The following ZC3H18 variants were observed in gnomAD, a reference collection of about 807,000 sequenced individuals.
ZC3H18 encodes zinc finger CCCH domain-containing protein 18.
Under a neutral mutation model 106.1 loss-of-function variants are expected in ZC3H18, and 8 were observed. That is an observed-to-expected ratio of 0.08 (90% confidence interval 0.04 to 0.14). The LOEUF (loss-of-function observed/expected upper bound fraction) is 0.14, where lower values mean the gene tolerates loss of function less well. Ranked by LOEUF, ZC3H18 falls within the 10% of genes least tolerant of loss-of-function variation. The probability of loss-of-function intolerance (pLI) is 1.00; values close to 1 mark genes in which losing one functional copy is unlikely to be tolerated. For synonymous variants in ZC3H18, 635 were observed against 522.1 expected, an observed-to-expected ratio of 1.22 and a Z score of -2.95; for missense variants, 1,318 against 1,278.4, an observed-to-expected ratio of 1.03 and a Z score of -0.47.
In ZC3H18 at chr16:88,577,106, G is replaced by A; in HGVS notation, c.-14-4G>A. Reference sequence around the variant, plus strand: ...GCTGTCAATCTGTATTCTCTCTTTTGCAGAACCGTGGGTACCGATGGATGT... The same window carrying A: ...GCTGTCAATCTGTATTCTCTCTTTTACAGAACCGTGGGTACCGATGGATGT... On this transcript the variant is annotated splice_polypyrimidine_tract_variant and splice_region_variant and intron_variant, in intron 1 of 17. Coordinates refer to ENST00000301011, the MANE Select transcript of ZC3H18 (RefSeq NM_144604.4). 6.6e-7 allele frequency: 1 copy of A among 1,515,004 alleles called. No homozygotes were observed. The highest frequency in any genetic ancestry group is 8.8e-7 in the Non-Finnish European group (1 of 1,131,490). 93.8% of individuals were successfully genotyped at this position (1,515,004 alleles called of 1,614,324 possible).
At chr16:88,619,709 C>T (rs1417188933) in intron 8 of ZC3H18, among the ~76,000 whole-genome samples, 1 of 152,176 alleles carries the variant, frequency 6.6e-6, no homozygotes, top group Non-Finnish European at 1.5e-5. Flanking sequence ...GTTTTTCCTT[C>T]CCCCTCACCG....
chr16:88,616,935 T>C (rs1219561605), intron 8 of ZC3H18, among the ~76,000 whole-genome samples: 1 of 152,144 alleles, frequency 6.6e-6, no homozygotes, highest in Non-Finnish European at 1.5e-5. Flanking sequence ...AGGCTCGTTA[T>C]AGCAGGCACT....
chr16:88,624,709 G>T lies in ZC3H18; in HGVS notation c.2006G>T (p.Arg669Met). Residue 669 changes from arginine to methionine, a missense_variant, in exon 12 of 18, where the codon AGG becomes ATG. Arg to Met is a moderately conservative substitution (Grantham distance 91). Coordinates refer to ENST00000301011, the MANE Select transcript of ZC3H18 (RefSeq NM_144604.4). ...AAGCCAGGAGACCCTCGGGAAGCCA[G>T]GAGGAAGGAGCGGCCAGCCAGGACC... is the stretch of plus-strand genomic sequence containing the variant. The part of the protein sequence containing the change: ...PTKPGDPREA[R>M]RKERPARTPP... 6.2e-7 allele frequency: 1 copy of T among 1,613,532 alleles called. No individual in the cohort carries two copies.
At chr16:88,615,084 C>T (rs1221267091) in intron 8 of ZC3H18, among the ~76,000 whole-genome samples, 2 of 150,662 alleles carry the variant, frequency 1.3e-5, no homozygotes, top group Non-Finnish European at 3.0e-5. Flanking sequence ...CCACCTGCTC[C>T]GTTCCCTCTG....
intron 16 of ZC3H18, among the ~76,000 whole-genome samples, chr16:88,629,858 A>G (rs893093493): frequency 2.0e-5 from 3 of 152,230 alleles, no homozygotes; most frequent in Non-Finnish European, 4.4e-5. Context: ...GAGAACAGGC[A>G]GGGGGCTTCC....
chr16:88,631,587 TC>T lies in ZC3H18; in HGVS notation c.*290del. ...CCCAGCCGCCAGCCCCGCCTTCTCT[TC>T]CTCCTCCTCCGTCTTCTTCCCTGGC... is the stretch of plus-strand genomic sequence containing the variant. On this transcript the variant is annotated 3_prime_UTR_variant, in exon 18 of 18. Transcript: ENST00000301011. 1 of 511,000 alleles carries T rather than the reference TC, an allele frequency of 2.0e-6. No individual in the cohort carries two copies. Among genetic ancestry groups the T allele is most frequent in the Non-Finnish European group, 3.8e-6 (1 of 263,974 alleles). The allele number at this position is 511,000 out of a possible 1,614,324, so 31.7% of individuals were successfully genotyped here.
At chr16:88,591,366 A>C (rs1043708411) in intron 3 of ZC3H18, among the ~76,000 whole-genome samples, 15 of 152,264 alleles carry the variant, frequency 9.9e-5, no homozygotes, top group Non-Finnish European at 1.9e-4. Flanking sequence ...CAAGGTTAGG[A>C]GTTCGAGACC....
chr16:88,628,031 C>A lies in ZC3H18; in HGVS notation c.2381C>A (p.Pro794His). The A allele has an allele frequency of 6.2e-7, 1 of 1,614,158 alleles. No individual in the cohort carries two copies. Among genetic ancestry groups the A allele is most frequent in the Non-Finnish European group, 8.5e-7 (1 of 1,180,038 alleles). ...GCAGGGGGGAAGTCCTCCCAGCAGC[C>A]CTCGACACCCCAGCAGGCACCCCCC... ...PPAGGKSSQQ[P>H]STPQQAPPGQ... The change falls in exon 15 of 18, where the codon CCC becomes CAC. Residue 794 changes from proline (P) to histidine (H), a missense_variant. Coordinates refer to ENST00000301011, the MANE Select transcript of ZC3H18 (RefSeq NM_144604.4).
At chr16:88,580,896 T>C (rs777972094) in intron 2 of ZC3H18, among the ~76,000 whole-genome samples, 1 of 152,228 alleles carries the variant, frequency 6.6e-6, no homozygotes, top group Non-Finnish European at 1.5e-5. Context: ...CAGATGTTTC[T>C]CTGTGGAAGA....
intron 1 of ZC3H18, among the ~76,000 whole-genome samples, 152 bp downstream of exon 1, chr16:88,570,718 G>A (rs1449645426): frequency 2.0e-5 from 3 of 151,488 alleles, no homozygotes; most frequent in Non-Finnish European, 4.4e-5. Context: ...GTGGCCCTCG[G>A]GCCCAGGGAA....
chr16:88,610,859 G>A (rs1905237164), intron 7 of ZC3H18, among the ~76,000 whole-genome samples: 2 of 152,246 alleles, frequency 1.3e-5, no homozygotes, highest in Non-Finnish European at 2.9e-5. Context: ...CAGGCCACAC[G>A]GCGGAAGGCC....
chr16:88,598,970 C>A (rs539584929), intron 5 of ZC3H18, among the ~76,000 whole-genome samples: 1 of 152,344 alleles, frequency 6.6e-6, no homozygotes, highest in East Asian at 1.9e-4. Context: ...TGTGATTCTC[C>A]TGCTCGGCCT....
intron 8 of ZC3H18, among the ~76,000 whole-genome samples, chr16:88,618,780 G>A (rs1183419247): frequency 1.3e-5 from 2 of 152,198 alleles, no homozygotes; most frequent in South Asian, 2.1e-4. Context: ...AGGTCATCTG[G>A]AGGGTTCTCC....
chr16:88,615,944 C>G (rs917004756), intron 8 of ZC3H18, among the ~76,000 whole-genome samples: 1 of 152,250 alleles, frequency 6.6e-6, no homozygotes, highest in East Asian at 1.9e-4. Flanking sequence ...TGCTGTGTTC[C>G]TCTGCTGTGG....
chr16:88,597,096 A>AT (rs1428655129), intron 3 of ZC3H18, among the ~76,000 whole-genome samples: 1 of 151,922 alleles, frequency 6.6e-6, no homozygotes, highest in African/African-American at 2.4e-5. Context: ...AATTTTTTGT[A>AT]TTTTTTAGTA....
intron 1 of ZC3H18, among the ~76,000 whole-genome samples, chr16:88,575,748 C>T (rs929015114): frequency 7.2e-5 from 11 of 152,132 alleles, no homozygotes; most frequent in Non-Finnish European, 1.0e-4. Flanking sequence ...TGGTCTCACT[C>T]TGTTGCCCAG....
intron 2 of ZC3H18, among the ~76,000 whole-genome samples, chr16:88,582,063 C>T (rs1915164585): frequency 6.6e-6 from 1 of 152,130 alleles, no homozygotes; most frequent in African/African-American, 2.4e-5. Context: ...GGGTGGCCTC[C>T]TAGTCAGCCA....
At chr16:88,623,473 G>T in intron 10 of ZC3H18, 129 bp downstream of exon 10, 1 of 1,298,420 alleles carries the variant, frequency 7.7e-7, no homozygotes, top group East Asian at 2.4e-5. Flanking sequence ...GCTGAACTAG[G>T]ATGGCCAGGG....
In ZC3H18 at chr16:88,616,939, A is replaced by G. The variant is rs151290410; in HGVS notation, c.1476-5258A>G. On this transcript the variant is annotated intron_variant, in intron 8 of 17. Transcript: ENST00000301011. The stretch of plus-strand genomic sequence containing the variant: ...AAGCGCGGCCCAGGCTCGTTATAGC[A>G]GGCACTTCACCACCCCAAGCTTCAC... 1.6e-4 allele frequency among the ~76,000 whole-genome samples: 24 copies of G among 152,226 alleles called. No homozygotes were observed. The East Asian group carries it at 4.3e-3, about 27-fold the overall frequency.
Sources: gnomAD v4.1 joint callset for allele counts (sites outside exome capture counted in the v4.1 genomes callset) on GRCh38, gnomAD v4.1.1 for gene constraint, MANE v1.5 for transcripts, NCBI Gene and HGNC (gene_info 2026-07-23, HGNC 2026-07-21) for gene names.